Variants in ARPP21 observed in about 807,000 individuals in gnomAD.
ARPP21 encodes the protein cAMP regulated phosphoprotein 21.
A neutral mutation model predicts 113.2 loss-of-function variants in ARPP21; 69 were observed. That is an observed-to-expected ratio of 0.61 (90% CI 0.50 to 0.74). ARPP21 has a LOEUF of 0.74. Ranked by LOEUF, ARPP21 falls within the 30% of genes least tolerant of loss-of-function variation. The pLI, the probability that ARPP21 is intolerant of heterozygous loss-of-function variation, is 0.00. For synonymous variants in ARPP21, 368 were observed against 375.5 expected (o/e 0.98, Z 0.23); for missense variants, 1,070 against 1,037.4 (o/e 1.03, Z -0.43).
At chr3:35,790,517 A>G (rs1318328590) in intron 19 of ARPP21, among the ~76,000 whole-genome samples, 7 of 152,244 alleles carry the variant, frequency 4.6e-5, no homozygotes, top group Admixed American at 2.0e-4. Context: ...TCTGCAATTA[A>G]TGTGAAAATA....
intron 19 of ARPP21, among the ~76,000 whole-genome samples, chr3:35,765,587 C>A (rs2095940548): frequency 1.3e-5 from 2 of 152,158 alleles, no homozygotes; most frequent in South Asian, 4.2e-4. Flanking sequence ...CTCCACCATT[C>A]CAAACAAAGA....
intron 1 of ARPP21, chr3:35,640,852 T>C (rs1697812446): frequency 6.6e-6 from 1 of 152,226 alleles, no homozygotes; most frequent in African/African-American, 2.4e-5. Flanking sequence ...CTGTGCTTCA[T>C]TGCAATCGCC....
intron 10 of ARPP21, 104 bp from the exon 11 acceptor site, chr3:35,708,865 A>G (rs755403096): frequency 1.3e-6 from 1 of 755,620 alleles, no homozygotes; most frequent in Non-Finnish European, 2.2e-6. Flanking sequence ...TTCAGGCTCC[A>G]TTTGTTTAAG....
At chr3:35,652,489 T>C (rs1042551792) in intron 1 of ARPP21, among the ~76,000 whole-genome samples, 11 of 152,022 alleles carry the variant, frequency 7.2e-5, no homozygotes, top group Non-Finnish European at 8.8e-5. Context: ...AAATAGACTG[T>C]TTTTTATGTT....
Position 35,639,946 on chromosome 3 carries a change from G to A in ARPP21, c.-665G>A, listed in dbSNP as rs1225791413. On this transcript the variant is annotated 5_prime_UTR_variant, in exon 1 of 21. Coordinates refer to ENST00000684406, the MANE Select transcript of ARPP21 (RefSeq NM_001385562.1). The surrounding 1 kb of genome is among the most constrained non-coding windows in gnomAD (Gnocchi z 5.0). ...GCGAGAATCCCGCGCCGAGCTGCTA[G>A]TCGGACCCACAGACGGTCGGACTGA... 2 of 152,324 alleles carry A rather than the reference G, an allele frequency of 1.3e-5. No individual in the cohort carries two copies. The highest frequency in any genetic ancestry group is 2.9e-5 in the Non-Finnish European group (2 of 68,158). 9.4% of individuals were successfully genotyped at this position (152,324 alleles called of 1,614,324 possible). A position where few individuals can be genotyped will look rare whatever the true frequency, so the allele number is the denominator to read the frequency against.
At chr3:35,754,119 G>A (rs1021462460) in intron 19 of ARPP21, among the ~76,000 whole-genome samples, 7 of 151,788 alleles carry the variant, frequency 4.6e-5, no homozygotes, top group Non-Finnish European at 1.0e-4. Flanking sequence ...TGACCAATAA[G>A]ATGCATTAAT....
chr3:35,641,011 G>A (rs1389376752), intron 1 of ARPP21: 1 of 152,142 alleles, frequency 6.6e-6, no homozygotes, highest in African/African-American at 2.4e-5. Flanking sequence ...GTTGCTGTCA[G>A]CTATTCAGGT....
At chr3:35,763,889 C>A (rs908913789) in intron 19 of ARPP21, among the ~76,000 whole-genome samples, 1 of 152,032 alleles carries the variant, frequency 6.6e-6, no homozygotes, top group Non-Finnish European at 1.5e-5. Context: ...TCAGGCCGGG[C>A]ATGGTAGCTC....
At chr3:35,743,616 G>A (rs1427451712) in intron 18 of ARPP21, among the ~76,000 whole-genome samples, 8 of 152,274 alleles carry the variant, frequency 5.3e-5, no homozygotes, top group South Asian at 4.1e-4. Flanking sequence ...GCCTCATGGC[G>A]TTGGTAAAAG....
chr3:35,708,199 A>G (rs2089907465), intron 10 of ARPP21, among the ~76,000 whole-genome samples: 1 of 152,126 alleles, frequency 6.6e-6, no homozygotes, highest in Non-Finnish European at 1.5e-5. Context: ...TGGATGGATG[A>G]ATGTGGTTAG....
rs2077030520 is a variant in ARPP21 at position 35,674,507 on chromosome 3, T to TAA, written c.-212-5280_-212-5279insAA. On this transcript the variant is annotated intron_variant, in intron 1 of 20. Coordinates refer to ENST00000684406, the MANE Select transcript of ARPP21 (RefSeq NM_001385562.1). ...AGCACCAATATGGATTGTAATTAATTGTTCCACATTAAAAAATTATGATGC... is the reference window on the plus strand; with the variant it reads ...AGCACCAATATGGATTGTAATTAATTAAGTTCCACATTAAAAAATTATGATGC... Among the ~76,000 whole-genome samples the TAA allele has an allele frequency of 2.0e-5, 3 of 152,004 alleles. No homozygotes were observed. The East Asian group carries it at 5.8e-4, about 30-fold the overall frequency.
intron 11 of ARPP21, among the ~76,000 whole-genome samples, chr3:35,714,203 T>G (rs1366153964): frequency 6.6e-6 from 1 of 152,222 alleles, no homozygotes; most frequent in Non-Finnish European, 1.5e-5. Context: ...TCAGGATGCA[T>G]GTTAAGTGCA....
At chr3:35,657,913 T>C (rs1705775990) in intron 1 of ARPP21, among the ~76,000 whole-genome samples, 1 of 152,108 alleles carries the variant, frequency 6.6e-6, no homozygotes, top group Non-Finnish European at 1.5e-5. Context: ...TAACAGGGGC[T>C]TCTATAGTTA....
chr3:35,649,592 C>G (rs1456741219), intron 1 of ARPP21, among the ~76,000 whole-genome samples: 2 of 152,096 alleles, frequency 1.3e-5, no homozygotes, highest in Non-Finnish European at 2.9e-5. Context: ...GTGAAGGACA[C>G]CCAGCATGTG....
At chr3:35,688,162 A>T (rs985866896) in intron 6 of ARPP21, among the ~76,000 whole-genome samples, 1 of 151,574 alleles carries the variant, frequency 6.6e-6, no homozygotes, top group Non-Finnish European at 1.5e-5. Context: ...ACAAGGAATA[A>T]ATATAAATCT....
rs1448296453 is a variant in ARPP21 at position 35,794,305 on chromosome 3, T to A, written c.*347T>A. 3.9e-6 allele frequency: 1 copy of A among 259,166 alleles called. No individual in the cohort carries two copies. The highest frequency in any genetic ancestry group is 2.2e-5 in the African/African-American group (1 of 45,924). The allele number at this position is 259,166 out of a possible 1,614,324, so 16.1% of individuals were successfully genotyped here. A position where few individuals can be genotyped will look rare whatever the true frequency, so the allele number is the denominator to read the frequency against. On this transcript the variant is annotated 3_prime_UTR_variant, in exon 21 of 21. Transcript: ENST00000684406. The stretch of plus-strand genomic sequence containing the variant: ...TTGTGATGCTAAAAGTATTTAAAAA[T>A]TATATACTAAATCACATTGTACCAA...
chr3:35,728,036 G>T (rs906511383), intron 14 of ARPP21, among the ~76,000 whole-genome samples: 1 of 151,710 alleles, frequency 6.6e-6, no homozygotes, highest in Non-Finnish European at 1.5e-5. Flanking sequence ...TCATTTAAAG[G>T]ATACTCAGTC....
Position 35,668,027 on chromosome 3 carries a change from A to AAGAAGAAGAAGG in ARPP21, c.-212-11755_-212-11754insAAGAAGGAGAAG, listed in dbSNP as rs1553646509. ...GAAGAAGAAGAAGAAGAAGAAGAAG[A>AAGAAGAAGAAGG]AGAAGGAGAAGAAGAAGAAAGAAGA... On this transcript the variant is annotated intron_variant, in intron 1 of 20. Coordinates refer to ENST00000684406, the MANE Select transcript of ARPP21 (RefSeq NM_001385562.1). Among the ~76,000 whole-genome samples, 342 of 132,196 alleles carry AAGAAGAAGAAGG rather than the reference A, an allele frequency of 2.6e-3. 3 individuals are homozygous for AAGAAGAAGAAGG. The highest frequency in any genetic ancestry group is 4.1e-3 in the African/African-American group (145 of 35,542). The allele number at this position is 132,196 out of a possible 152,430, so 86.7% of individuals were successfully genotyped here. A position where few individuals can be genotyped will look rare whatever the true frequency, so the allele number is the denominator to read the frequency against.
intron 1 of ARPP21, among the ~76,000 whole-genome samples, chr3:35,673,485 T>G (rs1440631133): frequency 3.9e-5 from 6 of 151,988 alleles, no homozygotes; most frequent in African/African-American, 1.4e-4. Flanking sequence ...GTGATGATTT[T>G]GGTAATAATA....
Sources: allele counts gnomAD v4.1 joint callset (sites outside exome capture counted in the v4.1 genomes callset), GRCh38; gene constraint gnomAD v4.1.1; non-coding constraint Gnocchi (gnomAD v3.1); transcripts MANE v1.5; gene names NCBI Gene and HGNC (gene_info 2026-07-23, HGNC 2026-07-21).